Variants in GSAP observed in about 807,000 individuals in gnomAD.
GSAP encodes the protein gamma-secretase-activating protein.
In GSAP, 118 loss-of-function variants were observed where a neutral mutation model predicts 131.7. That is an observed-to-expected ratio of 0.90 (90% CI 0.77 to 1.04). The LOEUF (loss-of-function observed/expected upper bound fraction) is 1.04. Among genes scored for constraint, GSAP ranks in the 50% least tolerant of loss-of-function variants. The pLI is 0.00. For missense variants in GSAP, 1,019 were observed against 1,013.2 expected (o/e 1.01, Z -0.08); for synonymous variants, 381 against 363.4 (o/e 1.05, Z -0.55).
intron 12 of GSAP, among the ~76,000 whole-genome samples, chr7:77,367,457 G>C (rs1795491369): frequency 6.6e-6 from 1 of 152,188 alleles, no homozygotes; most frequent in Admixed American, 6.5e-5. Flanking sequence ...CATCTATTGA[G>C]ATAAATGTGG....
At chr7:77,359,632 C>G (rs1016093399) in intron 14 of GSAP, among the ~76,000 whole-genome samples, 4 of 152,100 alleles carry the variant, frequency 2.6e-5, no homozygotes, top group African/African-American at 9.7e-5. Context: ...ATAAAATATG[C>G]TTAAGAAGGA....
At chr7:77,401,333 A>T (rs895131599) in intron 3 of GSAP, among the ~76,000 whole-genome samples, 6 of 152,118 alleles carry the variant, frequency 3.9e-5, no homozygotes, top group South Asian at 2.1e-4. Flanking sequence ...AAAGAAAAAA[A>T]TTTTTTCAAA....
At chr7:77,412,351 T>A (rs950901178) in intron 1 of GSAP, among the ~76,000 whole-genome samples, 2 of 151,926 alleles carry the variant, frequency 1.3e-5, no homozygotes, top group African/African-American at 4.8e-5. Context: ...CTCCTATAAA[T>A]CACATAAAAA....
intron 5 of GSAP, among the ~76,000 whole-genome samples, chr7:77,387,904 ACTGTAT>A (rs753678085): frequency 1.3e-5 from 2 of 152,222 alleles, no homozygotes; most frequent in Non-Finnish European, 2.9e-5. Context: ...TTCAAAGATC[ACTGTAT>A]ATTACTTTGC....
intron 8 of GSAP, chr7:77,380,013 G>A (rs1584615778): frequency 1.6e-6 from 1 of 611,836 alleles, no homozygotes; most frequent in Middle Eastern, 8.5e-4. Flanking sequence ...AAATATTGAA[G>A]AAAATCATTT....
At chr7:77,311,555 A>G (rs1794358162) in intron 30 of GSAP, 106 bp from the exon 31 acceptor site, 6 of 631,616 alleles carry the variant, frequency 9.5e-6, no homozygotes, top group Non-Finnish European at 1.4e-5. Flanking sequence ...GTATTTTAGT[A>G]AAATGAATTT....
intron 18 of GSAP, among the ~76,000 whole-genome samples, chr7:77,350,755 A>G (rs1220976244): frequency 1.3e-5 from 2 of 152,188 alleles, no homozygotes; most frequent in Admixed American, 1.3e-4. Flanking sequence ...AAGAAAAAAA[A>G]GAGTTTCTGC....
Position 77,311,881 on chromosome 7 carries a change from G to T in GSAP, c.2433C>A (p.Tyr811Ter). 1 of 1,598,206 alleles carries T rather than the reference G, an allele frequency of 6.3e-7. No homozygotes were observed. Among genetic ancestry groups the T allele is most frequent in the Non-Finnish European group, 8.6e-7 (1 of 1,165,588 alleles). ...SFSVEFLPLN[Y>*]FIEILTDIES... is the part of the protein sequence containing the mutation. ...CTATATCTGTCAGAATTTCAATGAA[G>T]TAGTTCAGAGGCAGAAATTCTACAC... is the stretch of plus-strand genomic sequence containing the variant. The change falls in exon 30 of 31, where the codon TAC (tyrosine) becomes TAA (stop). Residue 811 changes from tyrosine (Y) to a stop codon, truncating the protein, a stop_gained. Transcript: ENST00000257626. LOFTEE classifies it high-confidence loss of function.
chr7:77,321,450 C>T, intron 24 of GSAP, 47 bp from the exon 25 acceptor site: 1 of 1,245,002 alleles, frequency 8.0e-7, no homozygotes, highest in Admixed American at 1.7e-5. Flanking sequence ...TTCCTTCCCT[C>T]AAGGGCCCCA....
chr7:77,355,787 G>GTTGTTTTTTTT (rs1793606269), intron 14 of GSAP, 140 bp from the exon 15 acceptor site: 2 of 294,608 alleles, frequency 6.8e-6, no homozygotes, highest in South Asian at 3.3e-5. Context: ...ATGACAGCCC[G>GTTGTTTTTTTT]TTTTTTTTTT....
chr7:77,312,406 G>A (rs1794488004), intron 28 of GSAP, among the ~76,000 whole-genome samples: 1 of 152,148 alleles, frequency 6.6e-6, no homozygotes, highest in Admixed American at 6.6e-5. Flanking sequence ...ACGCTACATT[G>A]AGGAAAGTGG....
At chr7:77,413,176 G>A (rs905379058) in intron 1 of GSAP, among the ~76,000 whole-genome samples, 2 of 152,140 alleles carry the variant, frequency 1.3e-5, no homozygotes, top group Non-Finnish European at 2.9e-5. Flanking sequence ...GGAGAAGGAA[G>A]CAAGTCCTGG....
intron 5 of GSAP, among the ~76,000 whole-genome samples, chr7:77,392,738 T>C (rs765516091): frequency 3.9e-5 from 6 of 152,120 alleles, no homozygotes; most frequent in Non-Finnish European, 8.8e-5. Context: ...GTGACAAGGA[T>C]GGGAGAGTTC....
chr7:77,313,372 G>A (rs1794622583), intron 28 of GSAP, 116 bp downstream of exon 28: 1 of 627,794 alleles, frequency 1.6e-6, no homozygotes, highest in East Asian at 2.8e-5. Context: ...GTGTTGAAAA[G>A]TGAAACAATT....
At chr7:77,389,232 GTA>G (rs1563095405) in intron 5 of GSAP, among the ~76,000 whole-genome samples, 3 of 151,756 alleles carry the variant, frequency 2.0e-5, no homozygotes, top group African/African-American at 4.8e-5. Context: ...ATGCGTGTGT[GTA>G]TGTATGTGTG....
intron 6 of GSAP, among the ~76,000 whole-genome samples, chr7:77,385,389 CTTTAATATATACAATTT>C (rs1200886347): frequency 6.6e-6 from 1 of 152,182 alleles, no homozygotes; most frequent in African/African-American, 2.4e-5. Context: ...ATTTTAACCA[CTTTAATATATACAATTT>C]TTGGTAGATT....
intron 23 of GSAP, among the ~76,000 whole-genome samples, chr7:77,324,100 G>A (rs777082567): frequency 6.6e-6 from 1 of 152,096 alleles, no homozygotes; most frequent in Non-Finnish European, 1.5e-5. Flanking sequence ...GAGTCCTGGG[G>A]GATTAACAGG....
intron 1 of GSAP, among the ~76,000 whole-genome samples, chr7:77,406,628 C>T (rs1802313238): frequency 6.6e-6 from 1 of 152,178 alleles, no homozygotes; most frequent in Admixed American, 6.5e-5. Flanking sequence ...TAATCACTTA[C>T]TGTGATGCTA....
At chr7:77,311,592 C>T (rs1794362290) in intron 30 of GSAP, 143 bp from the exon 31 acceptor site, 2 of 601,198 alleles carry the variant, frequency 3.3e-6, no homozygotes, top group Non-Finnish European at 5.9e-6. Context: ...TAAATTTAAA[C>T]TTCAGCACCA....
Sources: gnomAD v4.1 joint callset for allele counts (sites outside exome capture counted in the v4.1 genomes callset) on GRCh38, gnomAD v4.1.1 for gene constraint, MANE v1.5 for transcripts, NCBI Gene and HGNC (gene_info 2026-07-23, HGNC 2026-07-21) for gene names.